Variants in ZNF708 observed in about 807,000 individuals in gnomAD.
The protein encoded by ZNF708 is zinc finger protein 708.
ZNF708 carries 44 observed loss-of-function variants against 47.0 expected under a neutral mutation model. That is an observed-to-expected ratio of 0.94 (90% CI 0.74 to 1.20). The LOEUF (loss-of-function observed/expected upper bound fraction) is 1.20, where lower values mean the gene tolerates loss of function less well. Among genes scored for constraint, ZNF708 ranks in the 50% most tolerant of loss-of-function variants. ZNF708 has a pLI of 0.00. For missense variants in ZNF708, 557 were observed against 656.0 expected (o/e 0.85, Z 1.65); for synonymous variants, 184 against 218.5 (o/e 0.84, Z 1.39).
At chr19:21,308,264 T>C (rs1335210784) in intron 3 of ZNF708, among the ~76,000 whole-genome samples, 1 of 151,776 alleles carries the variant, frequency 6.6e-6, no homozygotes, top group Non-Finnish European at 1.5e-5. Flanking sequence ...TAAATTTACA[T>C]GAAACTATAA....
At chr19:21,300,211 C>CA (rs370885126) in intron 3 of ZNF708, among the ~76,000 whole-genome samples, 24,049 of 103,594 alleles carry the variant, frequency 0.23, 2,738 homozygotes, top group Middle Eastern at 0.29. Flanking sequence ...GACTCCGTCT[C>CA]AAAAAAAAAA....
At chr19:21,306,675 A>C (rs1265048266) in intron 3 of ZNF708, 2 of 152,072 alleles carry the variant, frequency 1.3e-5, no homozygotes, top group Admixed American at 6.6e-5. Flanking sequence ...CCGGGCATGG[A>C]GGCTCAGGCC....
intron 1 of ZNF708, among the ~76,000 whole-genome samples, 179 bp downstream of exon 1, chr19:21,329,031 C>A (rs780845996): frequency 6.6e-6 from 1 of 152,190 alleles, no homozygotes; most frequent in Non-Finnish European, 1.5e-5. Context: ...CCCGGGGGCC[C>A]GGCTGTCGGC....
intron 1 of ZNF708, among the ~76,000 whole-genome samples, chr19:21,322,029 T>A (rs1055325918): frequency 6.6e-6 from 1 of 151,972 alleles, no homozygotes; most frequent in Non-Finnish European, 1.5e-5. Flanking sequence ...GAACCCTAGG[T>A]TGGTGGAGAA....
chr19:21,327,957 T>C, intron 1 of ZNF708: 2 of 1,030,596 alleles, frequency 1.9e-6, no homozygotes, highest in South Asian at 3.8e-5. Context: ...CTACACTCCA[T>C]ACCTCAGGTT....
intron 1 of ZNF708, among the ~76,000 whole-genome samples, chr19:21,315,993 T>C (rs2968060): frequency 7.4e-5 from 11 of 148,520 alleles, no homozygotes; most frequent in African/African-American, 2.5e-4. Context: ...CACCTGAACC[T>C]GGGAGGCGGA....
chr19:21,326,585 A>G (rs1973259736), intron 1 of ZNF708, among the ~76,000 whole-genome samples: 1 of 152,172 alleles, frequency 6.6e-6, no homozygotes, highest in Non-Finnish European at 1.5e-5. Flanking sequence ...GAGGGATAAA[A>G]GACTACAAAT....
chr19:21,321,229 TAAG>T lies in ZNF708; in HGVS notation c.3+7978_3+7980del, dbSNP rs201964038. Among the ~76,000 whole-genome samples the T allele has an allele frequency of 6.5e-3, 988 of 151,902 alleles. 17 individuals carry two copies. Among genetic ancestry groups the T allele is most frequent in the African/African-American group, 0.022 (910 of 41,454 alleles). The stretch of plus-strand genomic sequence containing the variant: ...TCATTTATAAGTAAGAGTTAAATAA[TAAG>T]AACACATGGACACAAAGTGGGGAAC... On this transcript the variant is annotated intron_variant, in intron 1 of 3. Coordinates refer to ENST00000356929, the MANE Select transcript of ZNF708 (RefSeq NM_021269.3).
At chr19:21,307,148 T>C (rs1972797035) in intron 3 of ZNF708, among the ~76,000 whole-genome samples, 1 of 132,584 alleles carries the variant, frequency 7.5e-6, no homozygotes, top group African/African-American at 2.8e-5. Flanking sequence ...TAAAATAAAA[T>C]AAAATATAAT....
intron 3 of ZNF708, among the ~76,000 whole-genome samples, chr19:21,299,734 C>T (rs1174809906): frequency 3.4e-5 from 5 of 149,034 alleles, no homozygotes; most frequent in Non-Finnish European, 5.9e-5. Context: ...GATCACACCA[C>T]TGCACTCCAG....
At chr19:21,324,574 TA>T (rs979681385) in intron 1 of ZNF708, among the ~76,000 whole-genome samples, 2 of 148,012 alleles carry the variant, frequency 1.4e-5, no homozygotes. Context: ...TTTCAAAAAA[TA>T]AAAAAAAAAT....
In ZNF708 at chr19:21,294,548, C is replaced by A. The variant is rs1336014776; in HGVS notation, c.418G>T (p.Val140Phe). Reference protein sequence around the residue: ...RCVTTTQSKIVQCDKYVKVFH... With the variant: ...RCVTTTQSKIFQCDKYVKVFH... ...ACTTTCACGTATTTGTCACACTGAA[C>A]TATTTTGCTCTGGGTAGTTGTCACA... Residue 140 changes from valine to phenylalanine, a missense_variant, in exon 4 of 4, where the codon GTT (valine) becomes TTT (phenylalanine). By Grantham distance (50) the Val-to-Phe change is conservative. Coordinates refer to ENST00000356929, the MANE Select transcript of ZNF708 (RefSeq NM_021269.3). The A allele has an allele frequency of 6.2e-7, 1 of 1,614,118 alleles. No individual in the cohort carries two copies. The highest frequency in any genetic ancestry group is 8.5e-7 in the Non-Finnish European group (1 of 1,180,006).
At chr19:21,326,659 G>C (rs529751840) in intron 1 of ZNF708, among the ~76,000 whole-genome samples, 1 of 152,170 alleles carries the variant, frequency 6.6e-6, no homozygotes, top group Admixed American at 6.5e-5. Context: ...GGCTGGGCGC[G>C]GTGGCTCATG....
chr19:21,302,671 C>CCATTGCACTTGCT (rs1333899526), intron 3 of ZNF708, among the ~76,000 whole-genome samples: 1 of 151,814 alleles, frequency 6.6e-6, no homozygotes, highest in Non-Finnish European at 1.5e-5. Context: ...TGCACTCCAG[C>CCATTGCACTTGCT]CTGGGTGACA....
At chr19:21,298,876 C>T in intron 3 of ZNF708, among the ~76,000 whole-genome samples, 1 of 152,110 alleles carries the variant, frequency 6.6e-6, no homozygotes. Context: ...GAATATCACT[C>T]AGTTTGCAAA....
At chr19:21,306,461 T>C (rs1972766046) in intron 3 of ZNF708, among the ~76,000 whole-genome samples, 1 of 151,544 alleles carries the variant, frequency 6.6e-6, no homozygotes, top group African/African-American at 2.4e-5. Flanking sequence ...TGGGAAAAAG[T>C]ATTTGAAAAG....
chr19:21,297,262 ATATATATATTTTTTTT>A (rs1397491680), intron 3 of ZNF708, among the ~76,000 whole-genome samples: 4 of 14,140 alleles, frequency 2.8e-4, no homozygotes, highest in African/African-American at 7.0e-4. Flanking sequence ...ATATATATAT[ATATATATATTTTTTTT>A]TTTTTTTTTT....
chr19:21,294,681 G>C lies in ZNF708; in HGVS notation c.285C>G (p.Phe95Leu). ...LRPEQYIKNS[F>L]QQVILRRYGK... The stretch of plus-strand genomic sequence containing the variant: ...CATATCTTCTCAGTATCACTTGTTG[G>C]AAAGAATTTTTTATATATTGCTCTG... The change falls in exon 4 of 4, where the codon TTC becomes TTG. Residue 95 changes from phenylalanine (F) to leucine (L), a missense_variant. Physicochemically the swap from Phe to Leu is conservative, Grantham distance 22 (BLOSUM62 0). Transcript: ENST00000356929. 5 of 1,613,606 alleles carry C rather than the reference G, an allele frequency of 3.1e-6. No individual in the cohort carries two copies. Among genetic ancestry groups the C allele is most frequent in the Non-Finnish European group, 4.2e-6 (5 of 1,179,810 alleles).
At chr19:21,328,018 G>GC in intron 1 of ZNF708, 1 of 993,046 alleles carries the variant, frequency 1.0e-6, no homozygotes, top group Non-Finnish European at 1.2e-6. Flanking sequence ...AGACACTCTA[G>GC]CAGAAAAAGT....
Sources: gnomAD v4.1 joint callset for allele counts (sites outside exome capture counted in the v4.1 genomes callset) on GRCh38, gnomAD v4.1.1 for gene constraint, MANE v1.5 for transcripts, NCBI Gene and HGNC (gene_info 2026-07-23, HGNC 2026-07-21) for gene names.